The following FNDC3B variants were observed in gnomAD, a reference collection of about 807,000 sequenced individuals.
FNDC3B encodes fibronectin type III domain-containing protein 3B.
In FNDC3B, 12 loss-of-function variants were observed where a neutral mutation model predicts 151.5. The ratio of observed to expected loss-of-function variants is 0.08; its 90% CI spans 0.05 to 0.13. The LOEUF is 0.13. FNDC3B is among the 10% of genes least tolerant of loss of function. The pLI is 1.00. For missense variants in FNDC3B, 1,214 were observed against 1,505.3 expected, an observed-to-expected ratio of 0.81 and a Z score of 3.20; for synonymous variants, 528 against 549.0, an observed-to-expected ratio of 0.96 and a Z score of 0.54.
intron 2 of FNDC3B, among the ~76,000 whole-genome samples, chr3:172,116,823 C>T (rs1469815648): frequency 2.0e-5 from 3 of 152,270 alleles, no homozygotes; most frequent in South Asian, 2.1e-4. Flanking sequence ...GCCTTGGCCT[C>T]CCAGAGTGCT....
intron 3 of FNDC3B, among the ~76,000 whole-genome samples, chr3:172,204,688 G>T (rs994790405): frequency 2.0e-5 from 3 of 152,052 alleles, no homozygotes; most frequent in African/African-American, 7.2e-5. Flanking sequence ...GGGTTTTTTT[G>T]TTGTTGTCAG....
At chr3:172,043,989 A>C (rs1716232130) in intron 1 of FNDC3B, among the ~76,000 whole-genome samples, 1 of 152,226 alleles carries the variant, frequency 6.6e-6, no homozygotes, top group Admixed American at 6.5e-5. Context: ...TGTAAGTATC[A>C]GTAAACCATT....
chr3:172,043,709 G>T (rs746442865), intron 1 of FNDC3B, among the ~76,000 whole-genome samples: 1 of 152,128 alleles, frequency 6.6e-6, no homozygotes. Context: ...GATAAAATAC[G>T]CACATTATTT....
chr3:172,355,227 T>C (rs1035731380), intron 22 of FNDC3B, among the ~76,000 whole-genome samples: 13 of 152,214 alleles, frequency 8.5e-5, no homozygotes, highest in African/African-American at 3.1e-4. Context: ...AGTCACAGAT[T>C]TGGCAAGATA....
intron 1 of FNDC3B, 127 bp from the exon 2 acceptor site, chr3:172,112,325 A>G (rs1290383368): frequency 1.5e-6 from 1 of 658,352 alleles, no homozygotes; most frequent in East Asian, 2.7e-5. Flanking sequence ...ACATAATAAT[A>G]CAGGGCTCTC....
chr3:172,334,593 C>T (rs2108294744), intron 14 of FNDC3B, among the ~76,000 whole-genome samples: 1 of 152,216 alleles, frequency 6.6e-6, no homozygotes, highest in African/African-American at 2.4e-5. Context: ...CAGGCATGTG[C>T]CATCACGCCC....
intron 1 of FNDC3B, among the ~76,000 whole-genome samples, chr3:172,092,702 G>A (rs1052260306): frequency 2.0e-5 from 3 of 152,224 alleles, no homozygotes; most frequent in Admixed American, 2.0e-4. Flanking sequence ...GAAAAGAGGA[G>A]GAGAGAATAG....
At chr3:172,118,117 G>GAC (rs1720353867) in intron 2 of FNDC3B, among the ~76,000 whole-genome samples, 1 of 152,152 alleles carries the variant, frequency 6.6e-6, no homozygotes, top group East Asian at 1.9e-4. Flanking sequence ...TGTAACCAGA[G>GAC]TTTTTTCCTG....
intron 2 of FNDC3B, among the ~76,000 whole-genome samples, chr3:172,114,768 T>A (rs1001985391): frequency 1.6e-4 from 25 of 152,322 alleles, no homozygotes; most frequent in African/African-American, 5.8e-4. Context: ...AATCTTTTTT[T>A]AATCTTATTA....
chr3:172,342,366 G>T (rs1733371928), intron 17 of FNDC3B, among the ~76,000 whole-genome samples: 1 of 152,200 alleles, frequency 6.6e-6, no homozygotes, highest in African/African-American at 2.4e-5. Context: ...AGGCTGAACT[G>T]CTCAAATGCA....
chr3:172,087,220 A>G (rs1267278295), intron 1 of FNDC3B, among the ~76,000 whole-genome samples: 1 of 152,184 alleles, frequency 6.6e-6, no homozygotes, highest in Non-Finnish European at 1.5e-5. Context: ...AAGGCGCATA[A>G]CTTACCTTGC....
chr3:172,202,600 G>C (rs1230981519), intron 3 of FNDC3B, among the ~76,000 whole-genome samples: 1 of 152,150 alleles, frequency 6.6e-6, no homozygotes, highest in Non-Finnish European at 1.5e-5. Flanking sequence ...TCTCCAAACG[G>C]AACAGTGTAT....
intron 23 of FNDC3B, among the ~76,000 whole-genome samples, chr3:172,372,492 G>A (rs918893509): frequency 6.6e-6 from 1 of 152,148 alleles, no homozygotes; most frequent in Non-Finnish European, 1.5e-5. Flanking sequence ...TGTTGCTTTT[G>A]TCAGCAAGCG....
intron 3 of FNDC3B, among the ~76,000 whole-genome samples, chr3:172,192,738 T>C (rs1412390944): frequency 2.0e-5 from 3 of 152,060 alleles, no homozygotes; most frequent in Non-Finnish European, 4.4e-5. Flanking sequence ...TGAATATATA[T>C]ATATATATTT....
intron 3 of FNDC3B, among the ~76,000 whole-genome samples, chr3:172,161,076 A>G (rs1399010714): frequency 1.3e-5 from 2 of 152,198 alleles, no homozygotes; most frequent in African/African-American, 4.8e-5. Flanking sequence ...TATTCTTGGT[A>G]TGTTATTTCT....
At chr3:172,065,195 G>T (rs754827630) in intron 1 of FNDC3B, among the ~76,000 whole-genome samples, 1 of 152,166 alleles carries the variant, frequency 6.6e-6, no homozygotes, top group Non-Finnish European at 1.5e-5. Context: ...AGCCGGGCAT[G>T]GTGGCATGCA....
At chr3:172,395,187 CTTTT>C (rs1736213105) in intron 25 of FNDC3B, among the ~76,000 whole-genome samples, 1 of 152,004 alleles carries the variant, frequency 6.6e-6, no homozygotes, top group Non-Finnish European at 1.5e-5. Context: ...ATTTTATTTT[CTTTT>C]TTAATTATCA....
At chr3:172,331,730 G>A (rs184949054) in intron 13 of FNDC3B, among the ~76,000 whole-genome samples, 1 of 152,164 alleles carries the variant, frequency 6.6e-6, no homozygotes, top group East Asian at 1.9e-4. Context: ...CTGCCTTCTG[G>A]CCAGAATGCC....
intron 3 of FNDC3B, among the ~76,000 whole-genome samples, chr3:172,134,180 G>A (rs1174652186): frequency 6.6e-6 from 1 of 152,198 alleles, no homozygotes; most frequent in Non-Finnish European, 1.5e-5. Context: ...AAAGTTCCAG[G>A]TGTAGGTAAG....
Sources: allele counts gnomAD v4.1 joint callset (sites outside exome capture counted in the v4.1 genomes callset), GRCh38; gene constraint gnomAD v4.1.1; transcripts MANE v1.5; gene names NCBI Gene and HGNC (gene_info 2026-07-23, HGNC 2026-07-21).